The following DNTTIP1 variants were observed in gnomAD, a reference collection of about 807,000 sequenced individuals.
DNTTIP1 encodes the protein deoxynucleotidyltransferase terminal interacting protein 1.
Under a neutral mutation model 52.9 loss-of-function variants are expected in DNTTIP1, and 22 were observed. The ratio of observed to expected loss-of-function variants is 0.42; its 90% CI spans 0.30 to 0.59. The LOEUF (loss-of-function observed/expected upper bound fraction) is 0.59. Ranked by LOEUF, DNTTIP1 falls within the 20% of genes least tolerant of loss-of-function variation. The pLI, the probability that DNTTIP1 is intolerant of heterozygous loss-of-function variation, is 0.22. For synonymous variants in DNTTIP1, 136 were observed against 155.1 expected, an observed-to-expected ratio of 0.88 and a Z score of 0.92; for missense variants, 286 against 435.5, an observed-to-expected ratio of 0.66 and a Z score of 3.06.
intron 4 of DNTTIP1, among the ~76,000 whole-genome samples, chr20:45,800,861 G>C (rs766837596): frequency 1.3e-5 from 2 of 149,686 alleles, no homozygotes; most frequent in Non-Finnish European, 3.0e-5. Context: ...GGGTATGGTG[G>C]CGCACCCCTG....
intron 8 of DNTTIP1, among the ~76,000 whole-genome samples, chr20:45,803,657 C>T (rs1220596836): frequency 1.3e-5 from 2 of 152,182 alleles, no homozygotes; most frequent in African/African-American, 2.4e-5. Context: ...TAGTATGTAA[C>T]GGGCAGTGTC....
chr20:45,800,744 T>A (rs186635489), intron 4 of DNTTIP1, among the ~76,000 whole-genome samples: 8 of 94,888 alleles, frequency 8.4e-5, no homozygotes, highest in Admixed American at 5.1e-4. Flanking sequence ...TATATATATA[T>A]ATATATATAT....
chr20:45,795,300 C>T (rs761384137), intron 3 of DNTTIP1, 45 bp from the exon 4 acceptor site: 9 of 1,148,350 alleles, frequency 7.8e-6, no homozygotes, highest in East Asian at 2.5e-5. Context: ...CAGGTTGATG[C>T]ACATTAACAG....
chr20:45,806,127 TG>T (rs1981635445), intron 10 of DNTTIP1, among the ~76,000 whole-genome samples: 1 of 144,694 alleles, frequency 6.9e-6, no homozygotes, highest in Non-Finnish European at 1.5e-5. Context: ...AGGCTGAGGC[TG>T]GCGGATCACC....
intron 10 of DNTTIP1, among the ~76,000 whole-genome samples, chr20:45,806,866 C>G (rs542942193): frequency 6.6e-6 from 1 of 152,320 alleles, no homozygotes; most frequent in South Asian, 2.1e-4. Flanking sequence ...TCTTTAAGAT[C>G]CACCTCCTCC....
intron 10 of DNTTIP1, among the ~76,000 whole-genome samples, chr20:45,805,881 C>T (rs1480141051): frequency 2.6e-5 from 4 of 152,020 alleles, no homozygotes; most frequent in African/African-American, 9.7e-5. Flanking sequence ...GTTGGGAGTT[C>T]GAGACCAGCC....
rs773027003 is a variant in DNTTIP1 at position 45,809,100 on chromosome 20, T to A, written c.724-14T>A. 1.2e-6 allele frequency: 2 copies of A among 1,613,658 alleles called. No homozygotes were observed. On this transcript the variant is annotated splice_polypyrimidine_tract_variant and intron_variant, in intron 10 of 12. Coordinates refer to ENST00000372622, the MANE Select transcript of DNTTIP1 (RefSeq NM_052951.3). This position sits in a 1 kb window ranked among gnomAD's most constrained non-coding sequence, Gnocchi z 4.2. ...TACCCGAGGCTAATTTTCTTACAACTTCATTCCTTACAGTATGCAGCTGAC... is the reference window on the plus strand; with the variant it reads ...TACCCGAGGCTAATTTTCTTACAACATCATTCCTTACAGTATGCAGCTGAC...
At position 45,795,404 on chromosome 20, in the gene DNTTIP1, GCA is replaced by G; in HGVS notation, c.334_335del (p.Gln112AlafsTer14). On this transcript the variant is annotated frameshift_variant, in exon 4 of 13. Coordinates refer to ENST00000372622, the MANE Select transcript of DNTTIP1 (RefSeq NM_052951.3). LOFTEE classifies it high-confidence loss of function. ...ATGTTGGGGAGGAGGTGGACGCAGA[GCA>G]GCTGATCCAGGAAGCCTGTCGGAGC... is the stretch of plus-strand genomic sequence containing the variant. ...DNVGEEVDAE[Q>X]LIQEACRSCL... 1 of 1,611,498 alleles carries G rather than the reference GCA, an allele frequency of 6.2e-7. No homozygotes were observed. The highest frequency in any genetic ancestry group is 8.5e-7 in the Non-Finnish European group (1 of 1,178,754).
chr20:45,811,007 G>T lies in DNTTIP1; in HGVS notation c.852-50G>T, dbSNP rs56261048. 9.3e-6 allele frequency: 15 copies of T among 1,613,714 alleles called. No individual in the cohort carries two copies. The East Asian group carries it at 3.3e-4, about 36-fold the overall frequency. On this transcript the variant is annotated intron_variant, in intron 12 of 12. Transcript: ENST00000372622. Reference sequence around the variant, plus strand: ...TCCAAATAGCCCCTAGAATGAGGCAGGGCCTACATCCTCACTTCCCCCAAC... The same window carrying T: ...TCCAAATAGCCCCTAGAATGAGGCATGGCCTACATCCTCACTTCCCCCAAC...
chr20:45,810,454 C>T (rs1981785265), intron 11 of DNTTIP1, among the ~76,000 whole-genome samples: 1 of 152,126 alleles, frequency 6.6e-6, no homozygotes, highest in Non-Finnish European at 1.5e-5. Context: ...TTTCCTGTTT[C>T]CATATATATT....
In DNTTIP1 at chr20:45,802,027, T is replaced by C. The variant is rs148955121; in HGVS notation, c.527T>C (p.Leu176Pro). The C allele has an allele frequency of 6.2e-6, 10 of 1,614,038 alleles. No homozygotes were observed. In the African/African-American group the frequency reaches 8.0e-5, roughly 13 times the overall value. ...KRKGRPPGHILSSDRAAAGMV... is the reference protein window; with the variant it reads ...KRKGRPPGHIPSSDRAAAGMV... ...AAAGGACGGCCTCCTGGACACATCC[T>C]GTCAAGCGACCGGGCAGCCGCCGGC... Residue 176 changes from leucine (L) to proline (P), a missense_variant, in exon 7 of 13, where the codon CTG (leucine) becomes CCG (proline). By Grantham distance (98) the Leu-to-Pro change is moderately conservative. Transcript: ENST00000372622.
rs1367102020 is a variant in DNTTIP1, at chr20:45,811,158, ATG to A, written c.954_955del (p.Asn318LysfsTer6). On this transcript the variant is annotated frameshift_variant, in exon 13 of 13. Coordinates refer to ENST00000372622, the MANE Select transcript of DNTTIP1 (RefSeq NM_052951.3). LOFTEE classifies it high-confidence loss of function. ...TATATGGAGACACTACGGACAGAGAATGAGCATCGTGCTGTTGAAGCACCTCC... is the reference window on the plus strand; with the variant it reads ...TATATGGAGACACTACGGACAGAGAAAGCATCGTGCTGTTGAAGCACCTCC... 1.9e-6 allele frequency: 3 copies of A among 1,613,988 alleles called. No homozygotes were observed. The African/African-American group carries it at 4.0e-5, about 22-fold the overall frequency.
At chr20:45,801,498 G>T (rs755287484) in intron 6 of DNTTIP1, 40 bp downstream of exon 6, 11 of 1,609,984 alleles carry the variant, frequency 6.8e-6, no homozygotes, top group African/African-American at 1.3e-5. Context: ...CTGAAAAAAG[G>T]CTTGTCAGGC....
chr20:45,800,750 T>A (rs1981437289), intron 4 of DNTTIP1, among the ~76,000 whole-genome samples: 3 of 108,878 alleles, frequency 2.8e-5, no homozygotes, highest in East Asian at 2.8e-4. Flanking sequence ...TATATATATA[T>A]ATATATTTGG....
intron 4 of DNTTIP1, among the ~76,000 whole-genome samples, chr20:45,799,139 TG>T: frequency 1.3e-5 from 2 of 152,330 alleles, no homozygotes; most frequent in Non-Finnish European, 2.9e-5. Context: ...GATAACCTTT[TG>T]TCTACAGTTG....
At chr20:45,792,892 CTG>C (rs1424704814) in intron 2 of DNTTIP1, 145 bp downstream of exon 2, 3 of 668,876 alleles carry the variant, frequency 4.5e-6, no homozygotes, top group Non-Finnish European at 7.2e-6. Context: ...TTCTGTAACT[CTG>C]TGTGATCTTG....
intron 4 of DNTTIP1, 134 bp from the exon 5 acceptor site, chr20:45,800,940 G>A (rs2145701700): frequency 1.4e-6 from 1 of 732,352 alleles, no homozygotes. Flanking sequence ...GTTGCAGAGA[G>A]CCAAGATGGT....
Position 45,792,019 on chromosome 20 carries a change from C to A in DNTTIP1, c.15C>A (p.Gly5=), listed in dbSNP as rs754138707. Residue 5 remains glycine (G), a synonymous_variant, in exon 1 of 13, where the codon GGC becomes GGA. Transcript: ENST00000372622. ...CCGGGGGCGCCATGGGAGCCACTGG[C>A]GACGCCGAGCAGCCGCGGGGACCTA... MGAT[G]DAEQPRGPSG... is the part of the protein sequence containing the mutation. The A allele has an allele frequency of 2.4e-6, 3 of 1,267,188 alleles. No homozygotes were observed. In the African/African-American group the frequency reaches 4.6e-5, roughly 19 times the overall value. 78.5% of individuals were successfully genotyped at this position (1,267,188 alleles called of 1,614,324 possible).
In DNTTIP1 at chr20:45,805,379, T is replaced by G; in HGVS notation, c.723+13T>G. Reference sequence around the variant, plus strand: ...ACACCTCTTTAAGGTAGGTGACTGCTGGGAGGAAAGCAGGCCATTGCATTG... The same window carrying G: ...ACACCTCTTTAAGGTAGGTGACTGCGGGGAGGAAAGCAGGCCATTGCATTG... On this transcript the variant is annotated intron_variant, in intron 10 of 12. Coordinates refer to ENST00000372622, the MANE Select transcript of DNTTIP1 (RefSeq NM_052951.3). 6.2e-7 allele frequency: 1 copy of G among 1,613,526 alleles called. No individual in the cohort carries two copies. Among genetic ancestry groups the G allele is most frequent in the Non-Finnish European group, 8.5e-7 (1 of 1,179,742 alleles).
Sources: gnomAD v4.1 joint callset for allele counts (sites outside exome capture counted in the v4.1 genomes callset) on GRCh38, gnomAD v4.1.1 for gene constraint, Gnocchi (gnomAD v3.1) non-coding constraint, MANE v1.5 for transcripts, NCBI Gene and HGNC (gene_info 2026-07-23, HGNC 2026-07-21) for gene names.